Variants in DPP8 observed in about 807,000 individuals in gnomAD.
DPP8 encodes the protein dipeptidyl peptidase 8, also known as DPP VIII.
In DPP8, 31 loss-of-function variants were observed where a neutral mutation model predicts 107.5. That is an observed-to-expected ratio of 0.29 (90% confidence interval 0.22 to 0.39). DPP8 has a LOEUF of 0.39. DPP8 is among the 10% of genes least tolerant of loss of function. The pLI is 1.00. For missense variants in DPP8, 842 were observed against 1,076.1 expected, an observed-to-expected ratio of 0.78 and a Z score of 3.04; for synonymous variants, 381 against 356.6, an observed-to-expected ratio of 1.07 and a Z score of -0.77.
chr15:65,477,529 A>ATT (rs1174774140), intron 11 of DPP8, among the ~76,000 whole-genome samples: 20 of 139,858 alleles, frequency 1.4e-4, no homozygotes, highest in East Asian at 2.0e-4. Flanking sequence ...CTTTTCCACA[A>ATT]TTTTTTTTTT....
At position 65,515,626 on chromosome 15, in the gene DPP8, C is replaced by T. The variant is rs574389205; in HGVS notation, c.-12+1860G>A. 6 of 1,606,320 alleles carry T rather than the reference C, an allele frequency of 3.7e-6. No individual in the cohort carries two copies. The East Asian group carries it at 6.7e-5, about 18-fold the overall frequency. On this transcript the variant is annotated intron_variant, in intron 1 of 19. Coordinates refer to ENST00000300141, the MANE Select transcript of DPP8 (RefSeq NM_130434.5). ...ATATATTTCACTGCCCCACCTACCT[C>T]GTCACTTAAGTAGTTTCCCTGGTGC...
chr15:65,467,644 T>C (rs917956611), intron 12 of DPP8, among the ~76,000 whole-genome samples: 20 of 152,104 alleles, frequency 1.3e-4, no homozygotes, highest in Non-Finnish European at 2.4e-4. Flanking sequence ...TCCCGAAGTA[T>C]TGGGATTACA....
At chr15:65,506,401 G>A (rs1212950300) in intron 3 of DPP8, among the ~76,000 whole-genome samples, 1 of 151,964 alleles carries the variant, frequency 6.6e-6, no homozygotes. Context: ...AGAAGCAAAC[G>A]ATTGTACCGA....
chr15:65,456,235 T>C lies in DPP8; in HGVS notation c.2108A>G (p.Lys703Arg), dbSNP rs1186751027. The change falls in exon 16 of 20, where the codon AAA (lysine) becomes AGA (arginine). Residue 703 changes from lysine to arginine, a missense_variant. By Grantham distance (26) the Lys-to-Arg change is conservative. Transcript: ENST00000300141. ...HRGLKFEGAF[K>R]YKMGQIEIDD... ...TTTATGCTCACACACCATTTTATATTTAAAGGCGCCTTCAAATTTAAGCCC... is the reference window on the plus strand; with the variant it reads ...TTTATGCTCACACACCATTTTATATCTAAAGGCGCCTTCAAATTTAAGCCC... 1 of 1,607,728 alleles carries C rather than the reference T, an allele frequency of 6.2e-7. No homozygotes were observed. The highest frequency in any genetic ancestry group is 8.5e-7 in the Non-Finnish European group (1 of 1,178,528).
intron 2 of DPP8, among the ~76,000 whole-genome samples, chr15:65,511,799 T>G (rs2070821635): frequency 6.6e-6 from 1 of 151,996 alleles, no homozygotes; most frequent in Non-Finnish European, 1.5e-5. Context: ...ATTGGAAATA[T>G]TTTGGAGGAG....
rs1376538558 is a variant in DPP8, at chr15:65,442,653, T to TA, written c.*4230dup. On this transcript the variant is annotated 3_prime_UTR_variant, in exon 20 of 20. Coordinates refer to ENST00000300141, the MANE Select transcript of DPP8 (RefSeq NM_130434.5). The stretch of plus-strand genomic sequence containing the variant: ...CAGCAGGCACTTCATGTTCTAAAAT[T>TA]AAACACCTGAATTCCAATTTTGCTG... The TA allele has an allele frequency of 1.3e-5, 2 of 152,224 alleles. No individual in the cohort carries two copies. The highest frequency in any genetic ancestry group is 2.9e-5 in the Non-Finnish European group (2 of 68,040). The allele number at this position is 152,224 out of a possible 1,614,324, so 9.4% of individuals were successfully genotyped here. A position where few individuals can be genotyped will look rare whatever the true frequency, so the allele number is the denominator to read the frequency against.
chr15:65,494,149 C>CTTTTTTTTTTTTTTTTTTTTTTT (rs542314824), intron 5 of DPP8, among the ~76,000 whole-genome samples: 7 of 123,292 alleles, frequency 5.7e-5, no homozygotes, highest in African/African-American at 2.0e-4. Context: ...GTTCTATATC[C>CTTTTTTTTTTTTTTTTTTTTTTT]TTTTTTTTTT....
chr15:65,484,919 C>T (rs373203430), intron 8 of DPP8, among the ~76,000 whole-genome samples, 180 bp downstream of exon 8: 1 of 152,088 alleles, frequency 6.6e-6, no homozygotes, highest in African/African-American at 2.4e-5. Flanking sequence ...CCCATATTCC[C>T]ATCTTATGAA....
intron 2 of DPP8, chr15:65,512,008 A>T: frequency 1.8e-6 from 1 of 546,236 alleles, no homozygotes; most frequent in Non-Finnish European, 3.5e-6. Context: ...TTTCCTAATC[A>T]GACCATCTAA....
At chr15:65,495,403 A>C (rs2068482418) in intron 5 of DPP8, among the ~76,000 whole-genome samples, 1 of 152,046 alleles carries the variant, frequency 6.6e-6, no homozygotes, top group African/African-American at 2.4e-5. Context: ...CAGGAGTTCA[A>C]CACCAGCCTG....
chr15:65,504,186 A>C (rs2069626362), intron 3 of DPP8, among the ~76,000 whole-genome samples: 1 of 150,886 alleles, frequency 6.6e-6, no homozygotes, highest in African/African-American at 2.4e-5. Context: ...AACATGGAGA[A>C]ACCCCTTCTC....
rs1418263408 is a variant in DPP8, at chr15:65,448,885, T to C, written c.2527-1879A>G. Among the ~76,000 whole-genome samples the C allele has an allele frequency of 3.9e-4, 22 of 55,716 alleles. 2 individuals carry two copies. The highest frequency in any genetic ancestry group is 2.3e-3 in the East Asian group (8 of 3,408). The allele number at this position is 55,716 out of a possible 152,430, so 36.6% of individuals were successfully genotyped here. A position where few individuals can be genotyped will look rare whatever the true frequency, so the allele number is the denominator to read the frequency against. On this transcript the variant is annotated intron_variant, in intron 19 of 19. Transcript: ENST00000300141. The stretch of plus-strand genomic sequence containing the variant: ...TCTAAAATATATATATATATATATA[T>C]ATATATATATATATATATATATATA...
intron 2 of DPP8, among the ~76,000 whole-genome samples, chr15:65,508,415 T>C (rs1180939332): frequency 6.6e-6 from 1 of 152,208 alleles, no homozygotes; most frequent in Non-Finnish European, 1.5e-5. Context: ...GCCAAATCTC[T>C]TCTGCAAAAT....
In DPP8 at chr15:65,457,844, A is replaced by G. The variant is rs1242347172; in HGVS notation, c.1972-1473T>C. On this transcript the variant is annotated intron_variant, in intron 15 of 19. Coordinates refer to ENST00000300141, the MANE Select transcript of DPP8 (RefSeq NM_130434.5). ...TGTCTCACTCTGTACCCCAGGCTGGAGTGTGGTGGTACAATCATAGTTCAC... is the reference window on the plus strand; with the variant it reads ...TGTCTCACTCTGTACCCCAGGCTGGGGTGTGGTGGTACAATCATAGTTCAC... 2.0e-5 allele frequency among the ~76,000 whole-genome samples: 3 copies of G among 152,156 alleles called. No individual in the cohort carries two copies. The East Asian group carries it at 5.8e-4, about 29-fold the overall frequency.
Position 65,500,615 on chromosome 15 carries a change from T to C in DPP8, c.537A>G (p.Gln179=). The C allele has an allele frequency of 1.9e-6, 3 of 1,613,924 alleles. No individual in the cohort carries two copies. The highest frequency in any genetic ancestry group is 1.1e-5 in the South Asian group (1 of 91,084). Reference sequence around the variant, plus strand: ...AGCAACTCCAACTTACCGTAAATCCTTGTGGCCCTCCATCTTTTACGTGAT... The same window carrying C: ...AGCAACTCCAACTTACCGTAAATCCCTGTGGCCCTCCATCTTTTACGTGAT... ...GIYHVKDGGP[Q]GFTQQPLRPN... The change falls in exon 4 of 20, where the codon CAA becomes CAG. Residue 179 remains glutamine (Q), a synonymous_variant. Transcript: ENST00000300141.
intron 14 of DPP8, among the ~76,000 whole-genome samples, chr15:65,465,736 T>C (rs2065291946): frequency 6.6e-6 from 1 of 151,410 alleles, no homozygotes; most frequent in Non-Finnish European, 1.5e-5. Flanking sequence ...TTTGTATTTT[T>C]TAATAGAGAC....
rs1330952835 is a variant in DPP8 at position 65,463,914 on chromosome 15, T to C, written c.1826-8A>G. On this transcript the variant is annotated splice_region_variant and splice_polypyrimidine_tract_variant and intron_variant, in intron 14 of 19. Coordinates refer to ENST00000300141, the MANE Select transcript of DPP8 (RefSeq NM_130434.5). ...TATAGTCAGGAAGAGGACCTGTGAA[T>C]AGGTAACATAACAGAGTCTACAAAA... is the stretch of plus-strand genomic sequence containing the variant. 4 of 1,550,466 alleles carry C rather than the reference T, an allele frequency of 2.6e-6. No individual in the cohort carries two copies. The highest frequency in any genetic ancestry group is 2.6e-6 in the Non-Finnish European group (3 of 1,154,568).
At chr15:65,494,864 A>C (rs2068422989) in intron 5 of DPP8, among the ~76,000 whole-genome samples, 2 of 152,094 alleles carry the variant, frequency 1.3e-5, no homozygotes. Context: ...GATTTAGGCC[A>C]TATAACTTGG....
intron 1 of DPP8, among the ~76,000 whole-genome samples, chr15:65,513,770 A>G (rs888459208): frequency 2.0e-5 from 3 of 152,306 alleles, no homozygotes; most frequent in East Asian, 1.9e-4. Flanking sequence ...CAAATCCAGA[A>G]GTTGCATTTC....
Sources: gnomAD v4.1 joint callset for allele counts (sites outside exome capture counted in the v4.1 genomes callset) on GRCh38, gnomAD v4.1.1 for gene constraint, MANE v1.5 for transcripts, NCBI Gene and HGNC (gene_info 2026-07-23, HGNC 2026-07-21) for gene names.